TASOR: variants seen among roughly 807,000 people sequenced by gnomAD.
TASOR encodes the protein transcription activation suppressor.
In TASOR, 53 loss-of-function variants were observed where a neutral mutation model predicts 178.6. The observed-to-expected ratio is 0.30, with a 90% confidence interval of 0.24 to 0.37. The LOEUF is 0.37. Among genes scored for constraint, TASOR ranks in the 10% least tolerant of loss-of-function variants. The probability of loss-of-function intolerance (pLI) is 1.00; values close to 1 mark genes in which losing one functional copy is unlikely to be tolerated. For missense variants in TASOR, 1,815 were observed against 1,971.4 expected (o/e 0.92, Z 1.50); for synonymous variants, 713 against 696.2 (o/e 1.02, Z -0.38).
Position 56,652,630 on chromosome 3 carries a change from C to A in TASOR, c.1369-3573G>T, listed in dbSNP as rs1001618630. Reference sequence around the variant, plus strand: ...TTTTATTTCACTTAAAAAATATAGGCAAAGAATACCGGAATATAATGTGCA... The same window carrying A: ...TTTTATTTCACTTAAAAAATATAGGAAAAGAATACCGGAATATAATGTGCA... On this transcript the variant is annotated intron_variant, in intron 11 of 23. Coordinates refer to ENST00000683822, the MANE Select transcript of TASOR (RefSeq NM_001365635.2). Among the ~76,000 whole-genome samples, 7 of 151,406 alleles carry A rather than the reference C, an allele frequency of 4.6e-5. No individual in the cohort carries two copies. The East Asian group carries it at 1.2e-3, about 25-fold the overall frequency.
chr3:56,673,241 C>G (rs2107633959), intron 2 of TASOR, among the ~76,000 whole-genome samples: 1 of 152,068 alleles, frequency 6.6e-6, no homozygotes, highest in African/African-American at 2.4e-5. Flanking sequence ...ACAGCAACAT[C>G]TGGTGGAAAA....
At chr3:56,629,397 G>A (rs571300499) in intron 18 of TASOR, among the ~76,000 whole-genome samples, 1 of 152,248 alleles carries the variant, frequency 6.6e-6, no homozygotes, top group African/African-American at 2.4e-5. Context: ...GTAGGCCCTT[G>A]GTTATTTGCA....
At chr3:56,638,637 T>C in intron 17 of TASOR, 69 bp downstream of exon 17, 1 of 1,502,228 alleles carries the variant, frequency 6.7e-7, no homozygotes, top group African/African-American at 1.4e-5. Flanking sequence ...ATTGATGGAG[T>C]ATCAGAAATG....
chr3:56,669,461 C>A (rs936850616), intron 5 of TASOR, among the ~76,000 whole-genome samples: 4 of 152,058 alleles, frequency 2.6e-5, no homozygotes, highest in Non-Finnish European at 4.4e-5. Flanking sequence ...CAAGATGGCG[C>A]CACTGCACTC....
rs1460683343 is a variant in TASOR at position 56,636,650 on chromosome 3, C to T, written c.2824+2056G>A. 2.0e-5 allele frequency among the ~76,000 whole-genome samples: 3 copies of T among 151,874 alleles called. No individual in the cohort carries two copies. In the East Asian group the frequency reaches 5.9e-4, roughly 30 times the overall value. On this transcript the variant is annotated intron_variant, in intron 17 of 23. Transcript: ENST00000683822. The stretch of plus-strand genomic sequence containing the variant: ...TGTCTTGACCTCCTGATCCGCACAC[C>T]TTGGCCTCCCAAAGTGCTGGGATTA...
chr3:56,636,731 C>T (rs1006063042), intron 17 of TASOR, among the ~76,000 whole-genome samples: 3 of 151,922 alleles, frequency 2.0e-5, no homozygotes, highest in African/African-American at 4.8e-5. Context: ...TAAATAATTG[C>T]AGTATTTTAA....
At chr3:56,646,423 G>A in intron 14 of TASOR, 99 bp downstream of exon 14, 1 of 965,964 alleles carries the variant, frequency 1.0e-6, no homozygotes, top group East Asian at 2.4e-5. Context: ...TGGACAGGCT[G>A]AATTTGACCC....
At position 56,666,334 on chromosome 3, in the gene TASOR, G is replaced by A. The variant is rs749668752; in HGVS notation, c.948C>T (p.His316=). ...AAGACACAACTGCATATGGACAAAC[G>A]TGTCTTGGTCTTCGCCTTAGCTCAT... The part of the protein sequence containing the change: ...GFDELRRRPR[H]VCPYAVVSFT... Residue 316 remains histidine (H), a synonymous_variant, in exon 7 of 24, where the codon CAC becomes CAT. Coordinates refer to ENST00000683822, the MANE Select transcript of TASOR (RefSeq NM_001365635.2). The A allele has an allele frequency of 2.5e-5, 39 of 1,545,956 alleles. No homozygotes were observed. The highest frequency in any genetic ancestry group is 1.7e-4 in the East Asian group (7 of 40,758).
At chr3:56,673,487 C>T in intron 2 of TASOR, 93 bp downstream of exon 2, 13 of 853,550 alleles carry the variant, frequency 1.5e-5, no homozygotes, top group Middle Eastern at 5.6e-4. Flanking sequence ...TTTGGTTTTC[C>T]TAAAAATTTT....
At chr3:56,634,949 G>C (rs2076987327) in intron 17 of TASOR, among the ~76,000 whole-genome samples, 1 of 152,168 alleles carries the variant, frequency 6.6e-6, no homozygotes, top group African/African-American at 2.4e-5. Context: ...TCTTTGCTTA[G>C]AAGACGTATA....
intron 1 of TASOR, among the ~76,000 whole-genome samples, chr3:56,675,483 T>A (rs1260778266): frequency 6.6e-6 from 1 of 152,196 alleles, no homozygotes. Flanking sequence ...GGTCCCCACT[T>A]AATTTTTAAA....
intron 15 of TASOR, among the ~76,000 whole-genome samples, chr3:56,640,478 C>T (rs1159918978): frequency 6.6e-6 from 1 of 152,010 alleles, no homozygotes; most frequent in African/African-American, 2.4e-5. Context: ...GGGTAGTGTG[C>T]TAGGTTCAAC....
rs1404388543 is a variant in TASOR, at chr3:56,627,157, A to G, written c.4031-12T>C. The G allele has an allele frequency of 6.8e-7, 1 of 1,471,616 alleles. No individual in the cohort carries two copies. Among genetic ancestry groups the G allele is most frequent in the Non-Finnish European group, 9.4e-7 (1 of 1,066,086 alleles). The allele number at this position is 1,471,616 out of a possible 1,614,324, so 91.2% of individuals were successfully genotyped here. On this transcript the variant is annotated splice_polypyrimidine_tract_variant and intron_variant, in intron 20 of 23. Coordinates refer to ENST00000683822, the MANE Select transcript of TASOR (RefSeq NM_001365635.2). ...ATTTTTAAGGTTCTCTGTTAGAGAT[A>G]ATGAAGTTTGTTTTTAATTCAATAA...
rs2031949148 is a variant in TASOR, at chr3:56,683,061, G to A, written c.-55C>T. The A allele has an allele frequency of 6.9e-7, 1 of 1,442,036 alleles. No homozygotes were observed. The highest frequency in any genetic ancestry group is 2.7e-5 in the Admixed American group (1 of 36,416). The allele number at this position is 1,442,036 out of a possible 1,614,324, so 89.3% of individuals were successfully genotyped here. A position where few individuals can be genotyped will look rare whatever the true frequency, so the allele number is the denominator to read the frequency against. ...TCTGCCCACAAGGTCGACGGGTGTG[G>A]GGGGAAGGGGCGGCGGGCCAGTCTC... On this transcript the variant is annotated 5_prime_UTR_variant, in exon 1 of 24. Transcript: ENST00000683822.
chr3:56,623,284 T>A lies in TASOR; in HGVS notation c.4766A>T (p.Gln1589Leu), dbSNP rs1466618883. 3 of 1,613,456 alleles carry A rather than the reference T, an allele frequency of 1.9e-6. No homozygotes were observed. Among genetic ancestry groups the A allele is most frequent in the Non-Finnish European group, 2.5e-6 (3 of 1,179,916 alleles). The change falls in exon 24 of 24, where the codon CAA (glutamine) becomes CTA (leucine). Residue 1589 changes from glutamine to leucine, a missense_variant. Physicochemically the swap from Gln to Leu is moderately radical, Grantham distance 113. Around this residue, in one of 5 missense-constraint regions of TASOR, gnomAD observed 278 missense variants for 257.1 expected, o/e 1.08. Transcript: ENST00000683822. ...AACCTGAAAGTTACTATATGAATCT[T>A]GTTCTGTTGAATTGCTGTTCTCTCC... is the stretch of plus-strand genomic sequence containing the variant. ...SEGENSNSTE[Q>L]DSYSNFQVYH...
chr3:56,671,201 T>TG (rs77208632), intron 3 of TASOR, among the ~76,000 whole-genome samples: 5,055 of 151,578 alleles, frequency 0.033, 114 homozygotes, highest in Middle Eastern at 0.078. Context: ...TAGCCAGGTG[T>TG]GGGGGGGTGT....
chr3:56,643,556 A>G (rs1475593039), intron 14 of TASOR, among the ~76,000 whole-genome samples: 3 of 152,028 alleles, frequency 2.0e-5, no homozygotes, highest in Non-Finnish European at 4.4e-5. Flanking sequence ...AGGTCAGGAG[A>G]TCGAGACCAT....
intron 6 of TASOR, 30 bp from the exon 7 acceptor site, chr3:56,666,414 C>CTT (rs1279470762): frequency 4.2e-6 from 6 of 1,438,702 alleles, no homozygotes; most frequent in Non-Finnish European, 4.6e-6. Context: ...AAATTAACTT[C>CTT]TTTAAAAAGG....
chr3:56,674,707 G>A (rs1007837033), intron 1 of TASOR, among the ~76,000 whole-genome samples: 1 of 152,050 alleles, frequency 6.6e-6, no homozygotes, highest in Non-Finnish European at 1.5e-5. Context: ...ATATAGCTCA[G>A]CTCTCTCATA....
Sources: allele counts gnomAD v4.1 joint callset (sites outside exome capture counted in the v4.1 genomes callset), GRCh38; gene constraint gnomAD v4.1.1; regional missense constraint gnomAD v4.1.1; transcripts MANE v1.5; gene names NCBI Gene and HGNC (gene_info 2026-07-23, HGNC 2026-07-21).